The following RPL27A variants were observed in gnomAD, a reference collection of about 807,000 sequenced individuals.
RPL27A encodes the protein large ribosomal subunit protein uL15.
For synonymous variants in RPL27A, 69 were observed against 68.3 expected (o/e 1.01, Z -0.05); for missense variants, 118 against 189.4 (o/e 0.62, Z 2.21).
In RPL27A at chr11:8,683,281, C is replaced by T. The variant is rs147443011; in HGVS notation, c.67+16C>T. ...GGCCGCATAGGTAAGTGCCGGCTTCCCCTCGGGGTGGGCCTTGGGCTCTCT... is the reference window on the plus strand; with the variant it reads ...GGCCGCATAGGTAAGTGCCGGCTTCTCCTCGGGGTGGGCCTTGGGCTCTCT... On this transcript the variant is annotated intron_variant, in intron 2 of 4. Coordinates refer to ENST00000314138, the MANE Select transcript of RPL27A (RefSeq NM_000990.5). 1.4e-4 allele frequency: 224 copies of T among 1,613,226 alleles called. No individual in the cohort carries two copies. The African/African-American group carries it at 2.6e-3, about 19-fold the overall frequency.
chr11:8,688,743 T>G lies in RPL27A; in HGVS notation c.*2937T>G, dbSNP rs1347047120. On this transcript the variant is annotated 3_prime_UTR_variant, in exon 5 of 5. Transcript: ENST00000314138. ...GCAGTGCTCGTCAAGGGCAGCTAAA[T>G]CAGGCGAGCTTTCAATCAAAATAAA... The G allele has an allele frequency of 6.6e-6, 1 of 152,258 alleles. No individual in the cohort carries two copies. The highest frequency in any genetic ancestry group is 1.9e-4 in the East Asian group (1 of 5,204). The allele number at this position is 152,258 out of a possible 1,614,324, so 9.4% of individuals were successfully genotyped here.
At position 8,684,241 on chromosome 11, in the gene RPL27A, C is replaced by T. The variant is rs149639839; in HGVS notation, c.143+160C>T. 596 of 774,452 alleles carry T rather than the reference C, an allele frequency of 7.7e-4. 1 individual carries two copies. The highest frequency in any genetic ancestry group is 1.2e-3 in the Non-Finnish European group (506 of 427,258). 48.0% of individuals were successfully genotyped at this position (774,452 alleles called of 1,614,324 possible). On this transcript the variant is annotated intron_variant, in intron 3 of 4. Coordinates refer to ENST00000314138, the MANE Select transcript of RPL27A (RefSeq NM_000990.5). ...GAGAACCTGTCATCGAGGCTAGAGT[C>T]ACGCTTGGGTATCGGCTATTGCCTG...
chr11:8,685,941 G>GACCCCAT lies in RPL27A; in HGVS notation c.*135_*136insACCCCAT. 1 of 772,624 alleles carries GACCCCAT rather than the reference G, an allele frequency of 1.3e-6. No individual in the cohort carries two copies. The highest frequency in any genetic ancestry group is 2.1e-6 in the Non-Finnish European group (1 of 485,258). The allele number at this position is 772,624 out of a possible 1,614,324, so 47.9% of individuals were successfully genotyped here. ...TAGTACTTAGGGTATGAAGACATGG[G>GACCCCAT]GTCCTCTCCTGACTTCCCTCAAATA... On this transcript the variant is annotated 3_prime_UTR_variant, in exon 5 of 5. Transcript: ENST00000314138.
At chr11:8,685,190 CATGCATTATCTGAAG>C in intron 4 of RPL27A, 2 of 471,564 alleles carry the variant, frequency 4.2e-6, no homozygotes, top group South Asian at 4.2e-5. Context: ...TACTCAGTGC[CATGCATTATCTGAAG>C]AGATTTTCCC....
At chr11:8,682,986 G>C (rs1364510419) in intron 1 of RPL27A, 170 bp downstream of exon 1, 1 of 959,866 alleles carries the variant, frequency 1.0e-6, no homozygotes, top group East Asian at 2.5e-5. Context: ...TCCCGGAGCC[G>C]TGTGTTAGGC....
chr11:8,687,816 G>T lies in RPL27A; in HGVS notation c.*2010G>T, dbSNP rs2039601447. On this transcript the variant is annotated 3_prime_UTR_variant, in exon 5 of 5. Coordinates refer to ENST00000314138, the MANE Select transcript of RPL27A (RefSeq NM_000990.5). ...GCTAATTTTTTGCATTTTTAGTAGA[G>T]ACAGGGTTTCACCGTGTTAGCCAGG... 1 of 152,256 alleles carries T rather than the reference G, an allele frequency of 6.6e-6. No individual in the cohort carries two copies. The allele number at this position is 152,256 out of a possible 1,614,324, so 9.4% of individuals were successfully genotyped here.
intron 2 of RPL27A, chr11:8,683,800 C>T: frequency 1.7e-6 from 1 of 577,694 alleles, no homozygotes. Flanking sequence ...GCCTCAGCCT[C>T]CCGAGTAGCT....
At position 8,687,179 on chromosome 11, in the gene RPL27A, G is replaced by A. The variant is rs1248549998; in HGVS notation, c.*1373G>A. 6.6e-6 allele frequency: 1 copy of A among 152,258 alleles called. No individual in the cohort carries two copies. The highest frequency in any genetic ancestry group is 2.1e-4 in the South Asian group (1 of 4,838). 9.4% of individuals were successfully genotyped at this position (152,258 alleles called of 1,614,324 possible). On this transcript the variant is annotated 3_prime_UTR_variant, in exon 5 of 5. Transcript: ENST00000314138. Reference sequence around the variant, plus strand: ...TTGTATCTTCTGTTGTGCTGGAGAAGTTAGAAATAAGGGCTCTCCAGACCA... The same window carrying A: ...TTGTATCTTCTGTTGTGCTGGAGAAATTAGAAATAAGGGCTCTCCAGACCA...
rs1358964352 is a variant in RPL27A at position 8,688,694 on chromosome 11, A to C, written c.*2888A>C. ...CAGGTGCAACTTGATTTTATGACAAATGGCTGCCACATAATTTGCACAAGC... is the reference window on the plus strand; with the variant it reads ...CAGGTGCAACTTGATTTTATGACAACTGGCTGCCACATAATTTGCACAAGC... On this transcript the variant is annotated 3_prime_UTR_variant, in exon 5 of 5. Coordinates refer to ENST00000314138, the MANE Select transcript of RPL27A (RefSeq NM_000990.5). 1 of 152,264 alleles carries C rather than the reference A, an allele frequency of 6.6e-6. No homozygotes were observed. Among genetic ancestry groups the C allele is most frequent in the Non-Finnish European group, 1.5e-5 (1 of 68,054 alleles). The allele number at this position is 152,264 out of a possible 1,614,324, so 9.4% of individuals were successfully genotyped here.
At position 8,688,302 on chromosome 11, in the gene RPL27A, G is replaced by A. The variant is rs754802553; in HGVS notation, c.*2496G>A. On this transcript the variant is annotated 3_prime_UTR_variant, in exon 5 of 5. Transcript: ENST00000314138. ...GGGGAAGGATCCCTAGTCCCTTAAT[G>A]GCTACCTTCTTCCCCAGGAGTTGTT... The A allele has an allele frequency of 2.0e-5, 3 of 152,140 alleles. No individual in the cohort carries two copies. The South Asian group carries it at 6.2e-4, about 31-fold the overall frequency. The allele number at this position is 152,140 out of a possible 1,614,324, so 9.4% of individuals were successfully genotyped here.
At position 8,689,085 on chromosome 11, in the gene RPL27A, C is replaced by T. The variant is rs1255219856; in HGVS notation, c.*3279C>T. 1 of 152,266 alleles carries T rather than the reference C, an allele frequency of 6.6e-6. No homozygotes were observed. The highest frequency in any genetic ancestry group is 2.4e-5 in the African/African-American group (1 of 41,460). 9.4% of individuals were successfully genotyped at this position (152,266 alleles called of 1,614,324 possible). A position where few individuals can be genotyped will look rare whatever the true frequency, so the allele number is the denominator to read the frequency against. The stretch of plus-strand genomic sequence containing the variant: ...CGGCCACTTCCGGCAAGGGCGGAGC[C>T]GGCCAGTGGTGCGCGAGCGCAGATA... On this transcript the variant is annotated 3_prime_UTR_variant, in exon 5 of 5. Transcript: ENST00000314138.
At chr11:8,684,609 T>C in intron 3 of RPL27A, 109 bp from the exon 4 acceptor site, 2 of 937,552 alleles carry the variant, frequency 2.1e-6, no homozygotes, top group Admixed American at 2.0e-5. Context: ...CTGACACTGC[T>C]CTACACCAGT....
chr11:8,684,436 T>A (rs139529507), intron 3 of RPL27A: 6 of 714,394 alleles, frequency 8.4e-6, no homozygotes, highest in East Asian at 8.1e-5. Flanking sequence ...GTATGTAGAT[T>A]TTCCATAGAG....
chr11:8,685,040 T>C, intron 4 of RPL27A, 148 bp downstream of exon 4: 1 of 806,658 alleles, frequency 1.2e-6, no homozygotes, highest in South Asian at 1.6e-5. Flanking sequence ...GGTAGTTCCC[T>C]ATCCGTAGCA....
chr11:8,683,982 C>T (rs1177830046), intron 2 of RPL27A, 24 bp from the exon 3 acceptor site: 1 of 1,603,622 alleles, frequency 6.2e-7, no homozygotes, highest in Non-Finnish European at 8.5e-7. Context: ...CACACCGGCC[C>T]CACGTAGCTT....
Position 8,684,608 on chromosome 11 carries a change from C to T in RPL27A, c.144-110C>T. On this transcript the variant is annotated intron_variant, in intron 3 of 4. Transcript: ENST00000314138. ...CAGATGTATCATATGCCTGACACTG[C>T]TCTACACCAGTGAATAATTTACACT... 5.5e-6 allele frequency: 5 copies of T among 916,580 alleles called. No homozygotes were observed. The South Asian group carries it at 6.0e-5, about 11-fold the overall frequency. The allele number at this position is 916,580 out of a possible 1,614,324, so 56.8% of individuals were successfully genotyped here.
intron 1 of RPL27A, 174 bp from the exon 2 acceptor site, chr11:8,683,028 C>T (rs2039517653): frequency 3.6e-6 from 3 of 840,932 alleles, no homozygotes; most frequent in East Asian, 2.6e-5. Flanking sequence ...CACGCGGGCC[C>T]CTGCGCTACC....
rs375026543 is a variant in RPL27A, at chr11:8,683,869, C to T, written c.68-137C>T. The T allele has an allele frequency of 4.3e-5, 32 of 738,124 alleles. No homozygotes were observed. The African/African-American group carries it at 4.8e-4, about 11-fold the overall frequency. 45.7% of individuals were successfully genotyped at this position (738,124 alleles called of 1,614,324 possible). On this transcript the variant is annotated intron_variant, in intron 2 of 4. Coordinates refer to ENST00000314138, the MANE Select transcript of RPL27A (RefSeq NM_000990.5). Reference sequence around the variant, plus strand: ...ATTCTTTTTCTATTTTTAGTAGAGTCGGGGGTTTCTCCGTGTTGGCCAGGC... The same window carrying T: ...ATTCTTTTTCTATTTTTAGTAGAGTTGGGGGTTTCTCCGTGTTGGCCAGGC...
chr11:8,684,154 A>T lies in RPL27A; in HGVS notation c.143+73A>T, dbSNP rs1160150208. 3.5e-5 allele frequency: 44 copies of T among 1,259,564 alleles called. No individual in the cohort carries two copies. In the East Asian group the frequency reaches 9.5e-4, roughly 27 times the overall value. The allele number at this position is 1,259,564 out of a possible 1,614,324, so 78.0% of individuals were successfully genotyped here. On this transcript the variant is annotated intron_variant, in intron 3 of 4. Transcript: ENST00000314138. ...GCAGAGAGAGGGCTGGCTTAAACAAAAAGTTTAGAAGCAAGCCTTGCCTAT... is the reference window on the plus strand; with the variant it reads ...GCAGAGAGAGGGCTGGCTTAAACAATAAGTTTAGAAGCAAGCCTTGCCTAT...
Sources: gnomAD v4.1 joint callset for allele counts on GRCh38, gnomAD v4.1.1 for gene constraint, MANE v1.5 for transcripts, NCBI Gene and HGNC (gene_info 2026-07-23, HGNC 2026-07-21) for gene names.